DIS3L2: variants seen among roughly 807,000 people sequenced by gnomAD.
The protein encoded by DIS3L2 is DIS3-like exonuclease 2.
In DIS3L2, 34 loss-of-function variants were observed where a neutral mutation model predicts 97.5. The observed-to-expected ratio is 0.35, with a 90% CI of 0.27 to 0.46. The LOEUF is 0.46. Ranked by LOEUF, DIS3L2 falls within the 20% of genes least tolerant of loss-of-function variation. DIS3L2 has a pLI of 1.00. For synonymous variants in DIS3L2, 435 were observed against 445.2 expected, an observed-to-expected ratio of 0.98 and a Z score of 0.29; for missense variants, 1,038 against 1,146.0, an observed-to-expected ratio of 0.91 and a Z score of 1.36.
intron 14 of DIS3L2, among the ~76,000 whole-genome samples, chr2:232,306,203 C>T (rs6437058): frequency 0.16 from 24,158 of 152,038 alleles, 3,142 homozygotes; most frequent in African/African-American, 0.36. Context: ...ATAGGAGATG[C>T]CTCTGGTCTG....
intron 5 of DIS3L2, among the ~76,000 whole-genome samples, chr2:232,040,630 A>T (rs1167435447): frequency 6.6e-6 from 1 of 152,198 alleles, no homozygotes; most frequent in East Asian, 1.9e-4. Flanking sequence ...ACAAATATGC[A>T]TATATAAACC....
At chr2:232,317,400 T>C (rs1472094934) in intron 14 of DIS3L2, among the ~76,000 whole-genome samples, 1 of 152,146 alleles carries the variant, frequency 6.6e-6, no homozygotes, top group Non-Finnish European at 1.5e-5. Context: ...TTTTTTCCTC[T>C]CATGTTCTGT....
At chr2:232,273,431 G>A (rs1012016772) in intron 13 of DIS3L2, among the ~76,000 whole-genome samples, 3 of 152,214 alleles carry the variant, frequency 2.0e-5, no homozygotes, top group African/African-American at 7.2e-5. Context: ...CTGTGTTCAG[G>A]AGAGTGGATT....
intron 13 of DIS3L2, among the ~76,000 whole-genome samples, chr2:232,278,849 T>C (rs1429959196): frequency 1.3e-5 from 2 of 152,272 alleles, no homozygotes; most frequent in Non-Finnish European, 2.9e-5. Context: ...GGTCATATGG[T>C]TAAGTGTATA....
intron 5 of DIS3L2, among the ~76,000 whole-genome samples, chr2:232,072,353 A>G (rs1185690658): frequency 6.6e-6 from 1 of 152,224 alleles, no homozygotes; most frequent in East Asian, 1.9e-4. Flanking sequence ...CATTGAGAGC[A>G]TGACTTTGGG....
At chr2:232,057,528 G>GCT (rs1437972305) in intron 5 of DIS3L2, among the ~76,000 whole-genome samples, 8 of 152,106 alleles carry the variant, frequency 5.3e-5, no homozygotes, top group African/African-American at 1.9e-4. Context: ...AGGAGTTAGA[G>GCT]ATTTTTCTTG....
chr2:232,329,785 T>TGCCGGGGGCGCCC (rs1695678106), intron 14 of DIS3L2, 28 bp from the exon 15 acceptor site: 2 of 967,144 alleles, frequency 2.1e-6, no homozygotes, highest in Non-Finnish European at 2.9e-6. Context: ...ACCCCAGCGG[T>TGCCGGGGGCGCCC]CCCTCCCATC....
chr2:232,336,430 C>T (rs750836564), intron 20 of DIS3L2, 39 bp from the exon 21 acceptor site: 39 of 1,591,844 alleles, frequency 2.4e-5, no homozygotes, highest in Non-Finnish European at 3.2e-5. Context: ...GACATCAGGC[C>T]CTGCCATCCT....
rs746794585 is a variant in DIS3L2, at chr2:232,329,991, C to T, written c.1918C>T (p.Leu640Phe). 1 of 1,608,144 alleles carries T rather than the reference C, an allele frequency of 6.2e-7. No individual in the cohort carries two copies. The highest frequency in any genetic ancestry group is 8.5e-7 in the Non-Finnish European group (1 of 1,176,746). ...CGTGGACTTCAGCTCCGCAGGAGCC[C>T]TCAATGTGAGTGGTGGGCAGGATTC... is the stretch of plus-strand genomic sequence containing the variant. ...LPVDFSSAGA[L>F]NKSLTQTFGD... The change falls in exon 15 of 21, where the codon CTC becomes TTC. Residue 640 changes from leucine (L) to phenylalanine (F), a missense_variant. Around this residue, in one of 3 missense-constraint regions of DIS3L2, gnomAD observed 813 missense variants for 880.1 expected, o/e 0.92. Coordinates refer to ENST00000325385, the MANE Select transcript of DIS3L2 (RefSeq NM_152383.5).
intron 1 of DIS3L2, among the ~76,000 whole-genome samples, chr2:232,002,600 T>C (rs761529229): frequency 7.2e-5 from 11 of 152,242 alleles, no homozygotes; most frequent in Non-Finnish European, 1.5e-4. Flanking sequence ...TTGAATTGCA[T>C]TTTTAGGCCA....
intron 5 of DIS3L2, among the ~76,000 whole-genome samples, chr2:232,047,052 A>C (rs947117517): frequency 6.6e-6 from 1 of 152,214 alleles, no homozygotes; most frequent in African/African-American, 2.4e-5. Flanking sequence ...TACCTGTTAC[A>C]TTATGTTTAA....
At chr2:231,970,360 G>A (rs1559502917) in intron 1 of DIS3L2, among the ~76,000 whole-genome samples, 2 of 152,140 alleles carry the variant, frequency 1.3e-5, no homozygotes, top group East Asian at 3.8e-4. Flanking sequence ...ATTTTGTTGT[G>A]CAAACCTCAT....
At chr2:232,036,226 C>CT (rs1272465091) in intron 5 of DIS3L2, among the ~76,000 whole-genome samples, 4 of 152,132 alleles carry the variant, frequency 2.6e-5, no homozygotes, top group Non-Finnish European at 5.9e-5. Flanking sequence ...CCTTTTCATT[C>CT]TTTTTTCTCT....
At chr2:231,986,422 A>T (rs149549067) in intron 1 of DIS3L2, among the ~76,000 whole-genome samples, 138 of 152,340 alleles carry the variant, frequency 9.1e-4, no homozygotes, top group African/African-American at 3.1e-3. Context: ...TCTATCATCT[A>T]TAACAATTTT....
chr2:231,971,716 GA>G (rs1692918874), intron 1 of DIS3L2, among the ~76,000 whole-genome samples: 1 of 151,966 alleles, frequency 6.6e-6, no homozygotes, highest in Non-Finnish European at 1.5e-5. Flanking sequence ...AAAGTGCTGG[GA>G]TTACAGGCGT....
chr2:232,143,624 T>C (rs1690133271), intron 8 of DIS3L2, among the ~76,000 whole-genome samples: 1 of 152,138 alleles, frequency 6.6e-6, no homozygotes, highest in African/African-American at 2.4e-5. Context: ...ACTATTAAGG[T>C]TTTGGTATAC....
chr2:232,256,309 T>C (rs1278274102), intron 12 of DIS3L2, among the ~76,000 whole-genome samples: 1 of 152,226 alleles, frequency 6.6e-6, no homozygotes. Flanking sequence ...AACTGAGCTC[T>C]CTGCTGTGCT....
At chr2:232,158,080 C>T (rs1690546795) in intron 8 of DIS3L2, among the ~76,000 whole-genome samples, 1 of 152,218 alleles carries the variant, frequency 6.6e-6, no homozygotes, top group Non-Finnish European at 1.5e-5. Context: ...CTTGTAGTCA[C>T]TGCCTATCAG....
chr2:232,070,443 T>C (rs1161724871), intron 5 of DIS3L2, among the ~76,000 whole-genome samples: 1 of 152,188 alleles, frequency 6.6e-6, no homozygotes, highest in Non-Finnish European at 1.5e-5. Flanking sequence ...ATCAAAAATA[T>C]TTATCACCTT....
Sources: gnomAD v4.1 joint callset for allele counts (sites outside exome capture counted in the v4.1 genomes callset) on GRCh38, gnomAD v4.1.1 for gene constraint, gnomAD v4.1.1 regional missense constraint, MANE v1.5 for transcripts, NCBI Gene and HGNC (gene_info 2026-07-23, HGNC 2026-07-21) for gene names.